Variants in NBPF8 observed in about 807,000 individuals in gnomAD.
The protein encoded by NBPF8 is NBPF family member NBPF8.
chr1:120,434,208 G>A (rs1248849953), upstream of NBPF8, among the ~76,000 whole-genome samples: 21 of 148,404 alleles, frequency 1.4e-4, no homozygotes, highest in African/African-American at 2.3e-4. Context: ...CCCTCGCTCC[G>A]CCACTTAAAA....
At chr1:120,431,846 C>T (rs1385714326), upstream of NBPF8, among the ~76,000 whole-genome samples, 2 of 148,460 alleles carry the variant, frequency 1.3e-5, no homozygotes, top group Admixed American at 1.4e-4. Context: ...TGCTATTTCT[C>T]ATGGCTCAGT....
chr1:120,416,073 A>T (rs1275797706), upstream of NBPF8, among the ~76,000 whole-genome samples: 2 of 152,170 alleles, frequency 1.3e-5, no homozygotes, highest in African/African-American at 4.8e-5. Context: ...TTGCCGAAAG[A>T]ATGAATCCCA....
Sources: allele counts gnomAD v4.1 joint callset (sites outside exome capture counted in the v4.1 genomes callset), GRCh38; gene constraint gnomAD v4.1.1; transcripts MANE v1.5; gene names NCBI Gene and HGNC (gene_info 2026-07-23, HGNC 2026-07-21).